HS6ST3: variants seen among roughly 807,000 people sequenced by gnomAD.
The protein encoded by HS6ST3 is heparan-sulfate 6-O-sulfotransferase 3.
A neutral mutation model predicts 36.7 loss-of-function variants in HS6ST3; 12 were observed. The ratio of observed to expected loss-of-function variants is 0.33; its 90% confidence interval spans 0.21 to 0.53. The LOEUF (loss-of-function observed/expected upper bound fraction) is 0.53, where lower values mean the gene tolerates loss of function less well. Ranked by LOEUF, HS6ST3 falls within the 20% of genes least tolerant of loss-of-function variation. The pLI, the probability that HS6ST3 is intolerant of heterozygous loss-of-function variation, is 0.95. For synonymous variants in HS6ST3, 240 were observed against 257.5 expected (o/e 0.93, Z 0.65); for missense variants, 584 against 640.9 (o/e 0.91, Z 0.96).
rs938278394 is a variant in HS6ST3, at chr13:96,240,443, A to C, written c.707+148874A>C. Among the ~76,000 whole-genome samples the C allele has an allele frequency of 2.6e-4, 40 of 152,224 alleles. 1 individual carries two copies. Among genetic ancestry groups the C allele is most frequent in the Admixed American group, 1.4e-3 (21 of 15,276 alleles). On this transcript the variant is annotated intron_variant, in intron 1 of 1. Coordinates refer to ENST00000376705, the MANE Select transcript of HS6ST3 (RefSeq NM_153456.4). Reference sequence around the variant, plus strand: ...GCTATAATACATAATAATGTATTGTATATATTTTTTAAAAAGTTCCACAGG... The same window carrying C: ...GCTATAATACATAATAATGTATTGTCTATATTTTTTAAAAAGTTCCACAGG...
At chr13:96,386,588 C>T (rs149476075) in intron 1 of HS6ST3, among the ~76,000 whole-genome samples, 75 of 152,064 alleles carry the variant, frequency 4.9e-4, no homozygotes, top group East Asian at 1.9e-3. Context: ...AAAAATTGGC[C>T]GGGTGCAGTG....
intron 1 of HS6ST3, among the ~76,000 whole-genome samples, chr13:96,691,048 A>C (rs1180046983): frequency 6.6e-6 from 1 of 152,126 alleles, no homozygotes; most frequent in Non-Finnish European, 1.5e-5. Context: ...ACAATGGCAA[A>C]TATTACATCA....
chr13:96,246,443 G>C (rs2054585323), intron 1 of HS6ST3, among the ~76,000 whole-genome samples: 1 of 152,174 alleles, frequency 6.6e-6, no homozygotes, highest in African/African-American at 2.4e-5. Context: ...TTTAAAAAAT[G>C]GTTAGGCAGC....
chr13:96,816,936 T>A (rs1010776011), intron 1 of HS6ST3, among the ~76,000 whole-genome samples: 1 of 152,148 alleles, frequency 6.6e-6, no homozygotes, highest in African/African-American at 2.4e-5. Context: ...TTCCCGTCTG[T>A]CCTTATTCTG....
chr13:96,311,597 A>G (rs1045110291), intron 1 of HS6ST3, among the ~76,000 whole-genome samples: 1 of 152,188 alleles, frequency 6.6e-6, no homozygotes, highest in Admixed American at 6.5e-5. Context: ...GAAAGCATCC[A>G]TACTCTGTCT....
intron 1 of HS6ST3, among the ~76,000 whole-genome samples, chr13:96,463,150 T>C (rs2055793401): frequency 6.6e-6 from 1 of 152,138 alleles, no homozygotes; most frequent in South Asian, 2.1e-4. Context: ...AAAAGATTTA[T>C]TTGAAAAAAG....
chr13:96,763,597 G>A (rs1255452432), intron 1 of HS6ST3, among the ~76,000 whole-genome samples: 1 of 151,782 alleles, frequency 6.6e-6, no homozygotes, highest in Non-Finnish European at 1.5e-5. Context: ...TTTATAAAAT[G>A]AGGCAGCATT....
At chr13:96,382,880 G>T (rs9300344) in intron 1 of HS6ST3, among the ~76,000 whole-genome samples, 127,754 of 152,220 alleles carry the variant, frequency 0.84, 54,036 homozygotes, top group South Asian at 0.91. Context: ...ATTTTTCATT[G>T]TTGCTACATT....
Position 96,095,863 on chromosome 13 carries a change from G to GGTGTGTGTGTGTGTGTGT in HS6ST3, c.707+4317_707+4334dup, listed in dbSNP as rs141939376. On this transcript the variant is annotated intron_variant, in intron 1 of 1. Coordinates refer to ENST00000376705, the MANE Select transcript of HS6ST3 (RefSeq NM_153456.4). ...GTATCACAGAACCATTTATATGACT[G>GGTGTGTGTGTGTGTGTGT]GTGTGTGTGTGTGTGTGTGTGTGTG... 2.6e-3 allele frequency among the ~76,000 whole-genome samples: 367 copies of GGTGTGTGTGTGTGTGTGT among 140,392 alleles called. 5 individuals carry two copies. Among genetic ancestry groups the GGTGTGTGTGTGTGTGTGT allele is most frequent in the African/African-American group, 8.7e-3 (321 of 36,850 alleles). 92.1% of individuals were successfully genotyped at this position (140,392 alleles called of 152,430 possible).
In HS6ST3 at chr13:96,282,576, C is replaced by G. The variant is rs1440393874; in HGVS notation, c.707+191007C>G. 2.0e-5 allele frequency among the ~76,000 whole-genome samples: 3 copies of G among 152,300 alleles called. No homozygotes were observed. In the South Asian group the frequency reaches 6.2e-4, roughly 32 times the overall value. On this transcript the variant is annotated intron_variant, in intron 1 of 1. Transcript: ENST00000376705. Reference sequence around the variant, plus strand: ...GGGATGCCAGGAATTAAACCTACATCTTTGGCGTACAATATCTCATTAAAA... The same window carrying G: ...GGGATGCCAGGAATTAAACCTACATGTTTGGCGTACAATATCTCATTAAAA...
intron 1 of HS6ST3, among the ~76,000 whole-genome samples, chr13:96,386,024 C>T (rs150234410): frequency 6.6e-6 from 1 of 151,862 alleles, no homozygotes; most frequent in East Asian, 1.9e-4. Flanking sequence ...CTTGCATCTA[C>T]GAGTAAGAAA....
intron 1 of HS6ST3, among the ~76,000 whole-genome samples, chr13:96,398,191 A>C (rs924051651): frequency 6.6e-6 from 1 of 152,198 alleles, no homozygotes; most frequent in African/African-American, 2.4e-5. Flanking sequence ...GCTGCTTTCT[A>C]CTATGTTTCT....
chr13:96,621,790 C>T (rs928470907), intron 1 of HS6ST3, among the ~76,000 whole-genome samples: 3 of 152,118 alleles, frequency 2.0e-5, no homozygotes, highest in Admixed American at 6.5e-5. Flanking sequence ...CCTAATCAGC[C>T]GAGATCACCA....
intron 1 of HS6ST3, among the ~76,000 whole-genome samples, chr13:96,275,319 A>G (rs1441789891): frequency 2.0e-5 from 3 of 152,138 alleles, no homozygotes; most frequent in African/African-American, 7.2e-5. Flanking sequence ...TATAAAATCA[A>G]TTTCATGCCT....
chr13:96,261,164 A>T (rs2054664722), intron 1 of HS6ST3, among the ~76,000 whole-genome samples: 1 of 151,974 alleles, frequency 6.6e-6, no homozygotes, highest in African/African-American at 2.4e-5. Flanking sequence ...AGTTTCACAG[A>T]AATTCATTAG....
chr13:96,829,120 T>C (rs544699840), intron 1 of HS6ST3, among the ~76,000 whole-genome samples: 4 of 152,286 alleles, frequency 2.6e-5, no homozygotes, highest in African/African-American at 9.6e-5. Context: ...TTTTTCCTTT[T>C]CTCTCTTAAC....
chr13:96,382,952 T>A (rs545968828), intron 1 of HS6ST3, among the ~76,000 whole-genome samples: 1 of 152,328 alleles, frequency 6.6e-6, no homozygotes, highest in African/African-American at 2.4e-5. Context: ...TGTAAAATAT[T>A]TTCATTGTGT....
chr13:96,348,179 A>G (rs1166973983), intron 1 of HS6ST3, among the ~76,000 whole-genome samples: 2 of 152,254 alleles, frequency 1.3e-5, no homozygotes, highest in East Asian at 3.9e-4. Context: ...TTTTCTGCAT[A>G]TTAAAGCAGC....
chr13:96,689,306 G>A (rs913020675), intron 1 of HS6ST3, among the ~76,000 whole-genome samples: 1 of 152,018 alleles, frequency 6.6e-6, no homozygotes, highest in African/African-American at 2.4e-5. Context: ...AGTCAGTAAA[G>A]GAACTGGAAT....
Sources: gnomAD v4.1 joint callset for allele counts (sites outside exome capture counted in the v4.1 genomes callset) on GRCh38, gnomAD v4.1.1 for gene constraint, MANE v1.5 for transcripts, NCBI Gene and HGNC (gene_info 2026-07-23, HGNC 2026-07-21) for gene names.